VCAN: variants seen among roughly 807,000 people sequenced by gnomAD.
The protein encoded by VCAN is versican core protein.
VCAN carries 44 observed loss-of-function variants against 245.5 expected under a neutral mutation model. The observed-to-expected ratio is 0.18, with a 90% CI of 0.14 to 0.23. The LOEUF is 0.23. VCAN is among the 10% of genes least tolerant of loss of function. VCAN has a pLI of 1.00. For synonymous variants in VCAN, 1,413 were observed against 1,437.0 expected, an observed-to-expected ratio of 0.98 and a Z score of 0.38; for missense variants, 3,793 against 4,057.9, an observed-to-expected ratio of 0.93 and a Z score of 1.77.
intron 5 of VCAN, among the ~76,000 whole-genome samples, chr5:83,511,503 A>C (rs1745656444): frequency 6.6e-6 from 1 of 152,012 alleles, no homozygotes; most frequent in Non-Finnish European, 1.5e-5. Flanking sequence ...TGATACGGGA[A>C]GGCAGGAAGT....
chr5:83,500,387 A>G (rs923486789), intron 5 of VCAN, among the ~76,000 whole-genome samples: 2 of 152,166 alleles, frequency 1.3e-5, no homozygotes, highest in Non-Finnish European at 1.5e-5. Flanking sequence ...TCTACCTAAG[A>G]GCCAATGAGG....
intron 8 of VCAN, chr5:83,545,168 T>C (rs749972723): frequency 2.8e-4 from 91 of 324,884 alleles, no homozygotes; most frequent in Middle Eastern, 2.1e-3. Flanking sequence ...ACTAACCCCA[T>C]TTAAAAGAAT....
In VCAN at chr5:83,541,925, G is replaced by T; in HGVS notation, c.8922G>T (p.Trp2974Cys). 5 of 1,614,016 alleles carry T rather than the reference G, an allele frequency of 3.1e-6. No homozygotes were observed. The highest frequency in any genetic ancestry group is 1.7e-6 in the Non-Finnish European group (2 of 1,179,980). ...TTGAATTAGAAGGTGCTACACAGTG[G>T]CCACACTCTACTTCTGCTTCTGCCA... ...DEIELEGATQ[W>C]PHSTSASATY... The change falls in exon 8 of 15, where the codon TGG becomes TGT. Residue 2974 changes from tryptophan to cysteine, a missense_variant. Coordinates refer to ENST00000265077, the MANE Select transcript of VCAN (RefSeq NM_004385.5).
At position 83,537,830 on chromosome 5, in the gene VCAN, A is replaced by G; in HGVS notation, c.4827A>G (p.Pro1609=). Residue 1609 remains proline (P), a synonymous_variant, in exon 8 of 15, where the codon CCA becomes CCG. Coordinates refer to ENST00000265077, the MANE Select transcript of VCAN (RefSeq NM_004385.5). ...EAVTLIGNPW[P]DDLLSTKESW... is the part of the protein sequence containing the mutation. ...TTACCCTAATAGGAAATCCTTGGCC[A>G]GATGACCTGTTGTCTACCAAAGAAA... The G allele has an allele frequency of 6.2e-7, 1 of 1,614,048 alleles. No homozygotes were observed. Among genetic ancestry groups the G allele is most frequent in the Non-Finnish European group, 8.5e-7 (1 of 1,179,948 alleles).
chr5:83,556,167 C>T (rs1747659370), intron 12 of VCAN, among the ~76,000 whole-genome samples: 1 of 152,122 alleles, frequency 6.6e-6, no homozygotes, highest in Non-Finnish European at 1.5e-5. Context: ...GTTTATTCCC[C>T]ACAATAACTT....
intron 13 of VCAN, among the ~76,000 whole-genome samples, chr5:83,574,055 A>T (rs1047180843): frequency 2.6e-5 from 4 of 152,142 alleles, no homozygotes; most frequent in Non-Finnish European, 5.9e-5. Context: ...TCTGGTGTGT[A>T]AGTCCTGGAA....
At chr5:83,498,770 T>C (rs1317030972) in intron 5 of VCAN, among the ~76,000 whole-genome samples, 1 of 152,246 alleles carries the variant, frequency 6.6e-6, no homozygotes, top group Non-Finnish European at 1.5e-5. Flanking sequence ...GTTTCATTTT[T>C]GGTTTTGGTT....
intron 5 of VCAN, among the ~76,000 whole-genome samples, chr5:83,496,811 A>G (rs1745173946): frequency 6.6e-6 from 1 of 152,220 alleles, no homozygotes; most frequent in Admixed American, 6.5e-5. Flanking sequence ...ACTGAAGTAT[A>G]TGTCTTCCCT....
rs1489172847 is a variant in VCAN at position 83,519,744 on chromosome 5, G to C, written c.1438G>C (p.Asp480His). ...ATDSWDGVVE[D>H]KQTQESVTQI... ...GGATTCATGGGATGGTGTCGTGGAA[G>C]ATAAACAAACACAAGAATCGGTTAC... The change falls in exon 7 of 15, where the codon GAT becomes CAT. Residue 480 changes from aspartate (D) to histidine (H), a missense_variant. Transcript: ENST00000265077. 6.2e-7 allele frequency: 1 copy of C among 1,614,026 alleles called. No individual in the cohort carries two copies. Among genetic ancestry groups the C allele is most frequent in the Non-Finnish European group, 8.5e-7 (1 of 1,179,988 alleles).
intron 10 of VCAN, among the ~76,000 whole-genome samples, chr5:83,552,713 T>C (rs142505477): frequency 2.8e-3 from 434 of 152,318 alleles, no homozygotes; most frequent in Non-Finnish European, 4.5e-3. Context: ...AATAATTTAA[T>C]TTATTTCATT....
intron 7 of VCAN, among the ~76,000 whole-genome samples, chr5:83,529,362 A>G (rs1746432032): frequency 6.6e-6 from 1 of 151,322 alleles, no homozygotes; most frequent in Non-Finnish European, 1.5e-5. Context: ...GCACCACAAT[A>G]AAAAAGAACA....
At chr5:83,536,947 C>T (rs1746734658) in intron 7 of VCAN, 60 bp from the exon 8 acceptor site, 3 of 1,457,352 alleles carry the variant, frequency 2.1e-6, no homozygotes, top group South Asian at 1.4e-5. Flanking sequence ...CTATCAATTT[C>T]TTCTGTCATA....
In VCAN at chr5:83,538,344, C is replaced by G. The variant is rs2112442148; in HGVS notation, c.5341C>G (p.Gln1781Glu). Residue 1781 changes from glutamine (Q) to glutamate (E), a missense_variant, in exon 8 of 15, where the codon CAG becomes GAG. By Grantham distance (29) the Gln-to-Glu change is conservative. Transcript: ENST00000265077. ...KSFMSLTTPT[Q>E]SEREMTDSTP... ...TTTTATGTCCTTGACAACACCAACA[C>G]AGTCTGAAAGGGAAATGACAGATTC... 6.2e-7 allele frequency: 1 copy of G among 1,614,044 alleles called. No homozygotes were observed. The highest frequency in any genetic ancestry group is 1.6e-4 in the Middle Eastern group (1 of 6,062).
chr5:83,497,350 C>A (rs1386443671), intron 5 of VCAN, among the ~76,000 whole-genome samples: 1 of 152,000 alleles, frequency 6.6e-6, no homozygotes, highest in African/African-American at 2.4e-5. Context: ...TGAATAATTG[C>A]ACTAAATTAA....
intron 5 of VCAN, among the ~76,000 whole-genome samples, chr5:83,498,192 C>T (rs764603815): frequency 1.3e-5 from 2 of 152,186 alleles, no homozygotes; most frequent in Non-Finnish European, 2.9e-5. Context: ...TCTCTTTCAT[C>T]TCATATTCCC....
At chr5:83,472,665 T>A (rs954889488) in intron 1 of VCAN, among the ~76,000 whole-genome samples, 1 of 151,944 alleles carries the variant, frequency 6.6e-6, no homozygotes, top group Non-Finnish European at 1.5e-5. Flanking sequence ...AGGTGCAGGA[T>A]CCCCGCCGTG....
Position 83,538,677 on chromosome 5 carries a change from G to T in VCAN, c.5674G>T (p.Asp1892Tyr), listed in dbSNP as rs1324563547. 1.9e-6 allele frequency: 3 copies of T among 1,614,074 alleles called. No individual in the cohort carries two copies. Among genetic ancestry groups the T allele is most frequent in the South Asian group, 2.2e-5 (2 of 91,072 alleles). The change falls in exon 8 of 15, where the codon GAC becomes TAC. Residue 1892 changes from aspartate (D) to tyrosine (Y), a missense_variant. By Grantham distance (160) the Asp-to-Tyr change is radical. Coordinates refer to ENST00000265077, the MANE Select transcript of VCAN (RefSeq NM_004385.5). ...PTGLVLSTVMDRVVAENITQT... is the reference protein window; with the variant it reads ...PTGLVLSTVMYRVVAENITQT... ...AGGACTGGTTTTGAGTACAGTAATG[G>T]ACAGAGTAGTTGCTGAAAATATAAC...
chr5:83,501,677 T>C (rs549423566), intron 5 of VCAN, among the ~76,000 whole-genome samples: 1 of 152,216 alleles, frequency 6.6e-6, no homozygotes, highest in Admixed American at 6.5e-5. Context: ...TACCACAATG[T>C]CTTTATTACA....
chr5:83,478,543 T>G (rs1425798659), intron 1 of VCAN, among the ~76,000 whole-genome samples: 1 of 152,144 alleles, frequency 6.6e-6, no homozygotes, highest in Non-Finnish European at 1.5e-5. Context: ...CTGGAAACAG[T>G]GTAAAGGCTC....
Sources: gnomAD v4.1 joint callset for allele counts (sites outside exome capture counted in the v4.1 genomes callset) on GRCh38, gnomAD v4.1.1 for gene constraint, MANE v1.5 for transcripts, NCBI Gene and HGNC (gene_info 2026-07-23, HGNC 2026-07-21) for gene names.